The following NPAS3 variants were observed in gnomAD, a reference collection of about 807,000 sequenced individuals.
NPAS3 encodes neuronal PAS domain protein 3, also known as neuronal PAS domain-containing protein 3.
NPAS3 carries 14 observed loss-of-function variants against 73.1 expected under a neutral mutation model. The observed-to-expected ratio is 0.19, with a 90% CI of 0.13 to 0.30. The LOEUF is 0.30. Ranked by LOEUF, NPAS3 falls within the 10% of genes least tolerant of loss-of-function variation. The pLI, the probability that NPAS3 is intolerant of heterozygous loss-of-function variation, is 1.00. For synonymous variants in NPAS3, 620 were observed against 541.5 expected (o/e 1.14, Z -2.01); for missense variants, 1,096 against 1,250.0 (o/e 0.88, Z 1.86).
chr14:33,346,126 G>A (rs2044716245), intron 3 of NPAS3, among the ~76,000 whole-genome samples: 1 of 151,914 alleles, frequency 6.6e-6, no homozygotes, highest in African/African-American at 2.4e-5. Context: ...CAGCTGAGGG[G>A]AGGCAGGAGA....
intron 2 of NPAS3, among the ~76,000 whole-genome samples, chr14:33,100,101 G>A (rs1303687642): frequency 6.6e-6 from 1 of 152,154 alleles, no homozygotes; most frequent in Non-Finnish European, 1.5e-5. Context: ...CTTCTCTGTC[G>A]TTGTGAAAGG....
At chr14:33,438,530 G>C (rs1425679422) in intron 4 of NPAS3, among the ~76,000 whole-genome samples, 1 of 152,204 alleles carries the variant, frequency 6.6e-6, no homozygotes, top group Admixed American at 6.5e-5. Flanking sequence ...GTATTACAGG[G>C]TTGTAGAAGA....
At chr14:33,730,128 GGAGC>G (rs1234980903) in intron 6 of NPAS3, among the ~76,000 whole-genome samples, 1 of 151,974 alleles carries the variant, frequency 6.6e-6, no homozygotes, top group Non-Finnish European at 1.5e-5. Context: ...CTGTATAAAA[GGAGC>G]CACACTAAGT....
intron 3 of NPAS3, among the ~76,000 whole-genome samples, chr14:33,317,114 A>G (rs2043237265): frequency 6.6e-6 from 1 of 152,108 alleles, no homozygotes; most frequent in Admixed American, 6.6e-5. Flanking sequence ...AGTGAAAAAG[A>G]AAACATAATA....
chr14:33,163,222 A>G (rs935177961), intron 2 of NPAS3, among the ~76,000 whole-genome samples: 6 of 152,232 alleles, frequency 3.9e-5, no homozygotes, highest in Non-Finnish European at 7.3e-5. Context: ...TATTTAAAGC[A>G]TAAATCTTGT....
At chr14:33,182,115 T>A (rs1472885526) in intron 2 of NPAS3, among the ~76,000 whole-genome samples, 1 of 152,214 alleles carries the variant, frequency 6.6e-6, no homozygotes, top group East Asian at 1.9e-4. Context: ...CAATAGGTAA[T>A]CAATAAATGA....
intron 2 of NPAS3, among the ~76,000 whole-genome samples, chr14:33,103,533 T>C (rs1264123143): frequency 1.3e-5 from 2 of 152,220 alleles, no homozygotes; most frequent in Non-Finnish European, 2.9e-5. Context: ...GATCCAGTTG[T>C]AGAAAATAGC....
intron 4 of NPAS3, among the ~76,000 whole-genome samples, chr14:33,402,909 C>T (rs1421266490): frequency 6.6e-6 from 1 of 152,100 alleles, no homozygotes; most frequent in Non-Finnish European, 1.5e-5. Flanking sequence ...GATCAAGTTC[C>T]AGCAGATAAT....
chr14:33,108,121 TGCAAAAAA>T (rs893642985), intron 2 of NPAS3, among the ~76,000 whole-genome samples: 1 of 151,832 alleles, frequency 6.6e-6, no homozygotes, highest in African/African-American at 2.4e-5. Flanking sequence ...CTGTTCTATG[TGCAAAAAA>T]GCAAAAAAGT....
At chr14:32,939,576 C>A (rs2035882962) in intron 1 of NPAS3, among the ~76,000 whole-genome samples, 1 of 133,584 alleles carries the variant, frequency 7.5e-6, no homozygotes, top group Non-Finnish European at 1.5e-5. Context: ...GCCGGGCTCT[C>A]TGAGCAGTCG....
intron 7 of NPAS3, among the ~76,000 whole-genome samples, chr14:33,754,424 C>T (rs1206618789): frequency 3.3e-5 from 5 of 152,178 alleles, no homozygotes; most frequent in African/African-American, 1.2e-4. Context: ...TCATTCCCTT[C>T]TTCCCCAGCT....
chr14:33,400,523 G>A (rs964119296), intron 4 of NPAS3, among the ~76,000 whole-genome samples: 5 of 152,070 alleles, frequency 3.3e-5, no homozygotes, highest in African/African-American at 1.2e-4. Flanking sequence ...GAAAATTAGA[G>A]GTATAGTCTT....
At chr14:33,675,754 C>CTG (rs1295606363) in intron 5 of NPAS3, among the ~76,000 whole-genome samples, 6 of 152,210 alleles carry the variant, frequency 3.9e-5, no homozygotes, top group African/African-American at 1.4e-4. Context: ...TCTTGGAAAT[C>CTG]TGTGTATTTT....
intron 2 of NPAS3, among the ~76,000 whole-genome samples, chr14:33,178,252 T>G (rs973598368): frequency 6.6e-5 from 10 of 151,932 alleles, no homozygotes; most frequent in Non-Finnish European, 1.3e-4. Flanking sequence ...TTTTTGTATT[T>G]TTAGCACAGA....
At chr14:33,386,685 G>T (rs2138541823) in intron 4 of NPAS3, among the ~76,000 whole-genome samples, 1 of 152,162 alleles carries the variant, frequency 6.6e-6, no homozygotes, top group East Asian at 1.9e-4. Flanking sequence ...TCCAAAAGTT[G>T]CTGTATTTCT....
intron 2 of NPAS3, among the ~76,000 whole-genome samples, chr14:33,081,166 C>A (rs2041852284): frequency 6.6e-6 from 1 of 152,084 alleles, no homozygotes; most frequent in Admixed American, 6.5e-5. Context: ...TGGGCGTGTT[C>A]AGGGTGGTAT....
intron 3 of NPAS3, among the ~76,000 whole-genome samples, chr14:33,334,459 A>G (rs2044124009): frequency 6.6e-6 from 1 of 152,114 alleles, no homozygotes; most frequent in South Asian, 2.1e-4. Context: ...TAGAAAATTC[A>G]TGTAAGTGTA....
chr14:33,316,552 A>G (rs747744267), intron 3 of NPAS3, among the ~76,000 whole-genome samples: 2 of 152,004 alleles, frequency 1.3e-5, no homozygotes, highest in African/African-American at 2.4e-5. Context: ...AATCTATACT[A>G]ATTTCTGTTA....
chr14:32,943,970 G>A (rs1363611558), intron 1 of NPAS3, among the ~76,000 whole-genome samples: 2 of 152,160 alleles, frequency 1.3e-5, no homozygotes, highest in African/African-American at 4.8e-5. Context: ...GATTACAGGC[G>A]TGAGCCACTG....
Sources: gnomAD v4.1 joint callset for allele counts (sites outside exome capture counted in the v4.1 genomes callset) on GRCh38, gnomAD v4.1.1 for gene constraint, MANE v1.5 for transcripts, NCBI Gene and HGNC (gene_info 2026-07-23, HGNC 2026-07-21) for gene names.